MEIKIN: variants seen among roughly 807,000 people sequenced by gnomAD.
The protein encoded by MEIKIN is meiosis-specific kinetochore protein.
intron 11 of MEIKIN, among the ~76,000 whole-genome samples, chr5:131,841,015 AT>A (rs556938985): frequency 2.5e-4 from 38 of 151,636 alleles, no homozygotes; most frequent in African/African-American, 9.2e-4. Flanking sequence ...TGTTCTTCAG[AT>A]TTTTTTTCTT....
At chr5:131,894,589 T>C (rs961833340) in intron 8 of MEIKIN, among the ~76,000 whole-genome samples, 1 of 152,226 alleles carries the variant, frequency 6.6e-6, no homozygotes, top group Non-Finnish European at 1.5e-5. Context: ...CAGTGGTTTG[T>C]AGTTCTCCTT....
intron 6 of MEIKIN, among the ~76,000 whole-genome samples, chr5:131,921,121 A>G (rs1361632243): frequency 2.6e-5 from 4 of 152,248 alleles, no homozygotes; most frequent in African/African-American, 9.6e-5. Context: ...GAGACTAGGG[A>G]GAAATAACAA....
At chr5:131,934,470 G>A (rs1202592082) in intron 4 of MEIKIN, among the ~76,000 whole-genome samples, 2 of 152,020 alleles carry the variant, frequency 1.3e-5, no homozygotes, top group Non-Finnish European at 2.9e-5. Flanking sequence ...GTGGAGAAAG[G>A]ATAGTCTTTT....
intron 5 of MEIKIN, among the ~76,000 whole-genome samples, chr5:131,930,334 T>C (rs1477906142): frequency 1.3e-5 from 2 of 152,214 alleles, no homozygotes; most frequent in African/African-American, 4.8e-5. Flanking sequence ...CATTTTTTAA[T>C]AGGATCGTTT....
At chr5:131,866,021 T>C (rs1174158517) in intron 9 of MEIKIN, among the ~76,000 whole-genome samples, 3 of 152,200 alleles carry the variant, frequency 2.0e-5, no homozygotes, top group Non-Finnish European at 4.4e-5. Context: ...CCTCTAGGTG[T>C]CTTGCTTGTG....
intron 7 of MEIKIN, among the ~76,000 whole-genome samples, chr5:131,912,982 T>G (rs535862222): frequency 2.0e-5 from 3 of 152,292 alleles, no homozygotes; most frequent in African/African-American, 7.2e-5. Flanking sequence ...GGAAAGGAGT[T>G]TTAGAAATGT....
chr5:131,940,557 T>C (rs533537277), intron 4 of MEIKIN, among the ~76,000 whole-genome samples: 2 of 152,346 alleles, frequency 1.3e-5, no homozygotes, highest in East Asian at 3.9e-4. Context: ...ATGGAACTGG[T>C]TTTCTTCAAA....
intron 11 of MEIKIN, among the ~76,000 whole-genome samples, chr5:131,822,046 C>A (rs981294601): frequency 1.3e-5 from 2 of 152,084 alleles, no homozygotes; most frequent in Admixed American, 6.6e-5. Flanking sequence ...ATGTAATAAC[C>A]TGCTTTGTCT....
chr5:131,842,741 A>T (rs1476169754), intron 11 of MEIKIN, among the ~76,000 whole-genome samples: 2 of 152,260 alleles, frequency 1.3e-5, no homozygotes, highest in East Asian at 3.8e-4. Context: ...ATAACAACTT[A>T]ACTTCAATCA....
chr5:131,908,982 T>TA (rs1410850872), intron 8 of MEIKIN, among the ~76,000 whole-genome samples: 1 of 152,174 alleles, frequency 6.6e-6, no homozygotes, highest in Non-Finnish European at 1.5e-5. Flanking sequence ...ATCAATATTG[T>TA]AAATATGGCC....
intron 8 of MEIKIN, among the ~76,000 whole-genome samples, chr5:131,902,723 T>C (rs1364835328): frequency 6.6e-6 from 1 of 152,180 alleles, no homozygotes; most frequent in Non-Finnish European, 1.5e-5. Context: ...GCAAAAACTC[T>C]GGCAATTCAA....
At chr5:131,909,253 A>G (rs548557220) in intron 8 of MEIKIN, among the ~76,000 whole-genome samples, 1 of 152,248 alleles carries the variant, frequency 6.6e-6, no homozygotes, top group East Asian at 1.9e-4. Context: ...GAGAACCCAT[A>G]GATAAATCTA....
At chr5:131,815,010 AGG>A (rs1773075975) in intron 12 of MEIKIN, among the ~76,000 whole-genome samples, 1 of 152,178 alleles carries the variant, frequency 6.6e-6, no homozygotes, top group Admixed American at 6.5e-5. Context: ...CCATCATGGA[AGG>A]GGTAGCATTT....
At chr5:131,836,631 C>A (rs1195385186) in intron 11 of MEIKIN, among the ~76,000 whole-genome samples, 1 of 152,012 alleles carries the variant, frequency 6.6e-6, no homozygotes, top group Non-Finnish European at 1.5e-5. Flanking sequence ...TTTTGACTAG[C>A]ATTTCTCTAA....
intron 8 of MEIKIN, among the ~76,000 whole-genome samples, chr5:131,889,929 T>C (rs956147206): frequency 6.6e-6 from 1 of 152,216 alleles, no homozygotes; most frequent in Non-Finnish European, 1.5e-5. Context: ...GAAGGGTTGT[T>C]GAATTTTGTC....
chr5:131,921,515 G>T (rs1329503902), intron 6 of MEIKIN, among the ~76,000 whole-genome samples: 2 of 152,060 alleles, frequency 1.3e-5, no homozygotes, highest in Non-Finnish European at 2.9e-5. Context: ...AAATTAACTA[G>T]CTGTGGTGGC....
chr5:131,861,920 T>G (rs763833527), intron 9 of MEIKIN, among the ~76,000 whole-genome samples: 1 of 152,176 alleles, frequency 6.6e-6, no homozygotes, highest in Non-Finnish European at 1.5e-5. Context: ...GCTGTTGTTG[T>G]TGTGTCCTTG....
At chr5:131,840,549 A>G (rs1227799944) in intron 11 of MEIKIN, among the ~76,000 whole-genome samples, 1 of 151,936 alleles carries the variant, frequency 6.6e-6, no homozygotes, top group Non-Finnish European at 1.5e-5. Flanking sequence ...ATTCCTTTTC[A>G]TTCTTTTTTC....
At chr5:131,875,340 T>C (rs1039242602) in intron 9 of MEIKIN, among the ~76,000 whole-genome samples, 31 of 152,188 alleles carry the variant, frequency 2.0e-4, no homozygotes, top group African/African-American at 6.3e-4. Flanking sequence ...AGCATTCTTA[T>C]ACACCAATAA....
Sources: allele counts gnomAD v4.1 joint callset (sites outside exome capture counted in the v4.1 genomes callset), GRCh38; gene constraint gnomAD v4.1.1; transcripts MANE v1.5; gene names NCBI Gene and HGNC (gene_info 2026-07-23, HGNC 2026-07-21).